The following ARMH4 variants were observed in gnomAD, a reference collection of about 807,000 sequenced individuals.
The protein encoded by ARMH4 is armadillo-like helical domain-containing protein 4.
A neutral mutation model predicts 61.9 loss-of-function variants in ARMH4; 49 were observed. The observed-to-expected ratio is 0.79, with a 90% CI of 0.63 to 1.00. ARMH4 has a LOEUF of 1.00. Among genes scored for constraint, ARMH4 ranks in the 50% least tolerant of loss-of-function variants. The pLI is 0.00. For synonymous variants in ARMH4, 368 were observed against 341.5 expected (o/e 1.08, Z -0.85); for missense variants, 934 against 930.0 (o/e 1.00, Z -0.06).
intron 4 of ARMH4, among the ~76,000 whole-genome samples, chr14:58,101,944 G>GGAGA (rs371737384): frequency 6.6e-6 from 1 of 151,352 alleles, no homozygotes. Context: ...GGTGAATGAA[G>GGAGA]GAGAGAGAGA....
intron 5 of ARMH4, among the ~76,000 whole-genome samples, chr14:58,028,894 GT>G (rs2141160515): frequency 6.6e-6 from 1 of 152,282 alleles, no homozygotes; most frequent in East Asian, 1.9e-4. Context: ...CTAACCAGGT[GT>G]TTTTGGTTTT....
At chr14:58,087,518 C>T (rs2141250814) in intron 5 of ARMH4, among the ~76,000 whole-genome samples, 1 of 152,246 alleles carries the variant, frequency 6.6e-6, no homozygotes, top group South Asian at 2.1e-4. Context: ...CTTAGAGCTG[C>T]TTCACGTTCA....
intron 5 of ARMH4, among the ~76,000 whole-genome samples, chr14:58,032,601 C>T (rs893144336): frequency 2.0e-5 from 3 of 152,164 alleles, no homozygotes; most frequent in Non-Finnish European, 2.9e-5. Context: ...GCGTGAGCGA[C>T]GCAGAAGACG....
intron 4 of ARMH4, among the ~76,000 whole-genome samples, chr14:58,110,082 A>G (rs987745363): frequency 1.3e-5 from 2 of 152,186 alleles, no homozygotes; most frequent in Admixed American, 6.5e-5. Context: ...ACCTCGACAC[A>G]TGGGGGATTA....
intron 5 of ARMH4, among the ~76,000 whole-genome samples, chr14:58,065,924 C>T (rs1376223407): frequency 6.6e-6 from 1 of 152,208 alleles, no homozygotes; most frequent in African/African-American, 2.4e-5. Flanking sequence ...ATCCCTCAGT[C>T]TTACAGCTGT....
intron 5 of ARMH4, among the ~76,000 whole-genome samples, chr14:58,043,687 A>G (rs1282208723): frequency 6.6e-6 from 1 of 152,226 alleles, no homozygotes; most frequent in Non-Finnish European, 1.5e-5. Context: ...AGTTGACATG[A>G]TTGTATATCT....
At chr14:58,141,503 G>A in intron 1 of ARMH4, 1 of 539,660 alleles carries the variant, frequency 1.9e-6, no homozygotes, top group East Asian at 4.9e-5. Context: ...CGCCTGCGAG[G>A]TGGCATTACT....
intron 4 of ARMH4, among the ~76,000 whole-genome samples, chr14:58,114,167 A>G (rs936067876): frequency 1.3e-5 from 2 of 152,124 alleles, no homozygotes; most frequent in African/African-American, 2.4e-5. Context: ...TCTATTGGAC[A>G]TGATTTTTTC....
chr14:58,111,833 C>T (rs1886364664), intron 4 of ARMH4, among the ~76,000 whole-genome samples: 1 of 152,074 alleles, frequency 6.6e-6, no homozygotes, highest in Non-Finnish European at 1.5e-5. Flanking sequence ...GCTAGGACTA[C>T]AGGTGCATGC....
chr14:58,085,040 T>C (rs1402045245), intron 5 of ARMH4, among the ~76,000 whole-genome samples: 1 of 152,240 alleles, frequency 6.6e-6, no homozygotes, highest in East Asian at 1.9e-4. Context: ...GCTCTGTTTC[T>C]GAATTGCAAA....
At chr14:58,049,570 C>T (rs1232536334) in intron 5 of ARMH4, among the ~76,000 whole-genome samples, 1 of 152,164 alleles carries the variant, frequency 6.6e-6, no homozygotes, top group African/African-American at 2.4e-5. Flanking sequence ...TGCAAACTTG[C>T]TGAAGGATGG....
At chr14:58,081,519 T>A (rs1456964180) in intron 5 of ARMH4, among the ~76,000 whole-genome samples, 1 of 151,756 alleles carries the variant, frequency 6.6e-6, no homozygotes, top group Non-Finnish European at 1.5e-5. Context: ...TTTTTTTTTT[T>A]AGACGGAATC....
intron 5 of ARMH4, among the ~76,000 whole-genome samples, chr14:58,026,484 C>T (rs917287035): frequency 2.6e-5 from 4 of 152,150 alleles, no homozygotes; most frequent in Admixed American, 1.3e-4. Context: ...TCTCTTCTCA[C>T]ATTTGCACTA....
At chr14:58,027,281 C>A (rs1262237390) in intron 5 of ARMH4, among the ~76,000 whole-genome samples, 2 of 152,204 alleles carry the variant, frequency 1.3e-5, no homozygotes, top group Admixed American at 1.3e-4. Flanking sequence ...CACTTAAAAT[C>A]TGCTAAAAGG....
intron 7 of ARMH4, 47 bp from the exon 8 acceptor site, chr14:58,004,851 C>T (rs373959654): frequency 1.9e-6 from 3 of 1,578,206 alleles, no homozygotes; most frequent in African/African-American, 2.7e-5. Context: ...TGCCACAGAG[C>T]AAAGCTGAGA....
intron 5 of ARMH4, among the ~76,000 whole-genome samples, chr14:58,093,410 T>C (rs562168763): frequency 5.9e-5 from 9 of 152,240 alleles, no homozygotes; most frequent in African/African-American, 2.2e-4. Flanking sequence ...CAGGCTGTCC[T>C]CAAACTCCTG....
intron 4 of ARMH4, among the ~76,000 whole-genome samples, chr14:58,102,540 G>A (rs1171789878): frequency 4.6e-5 from 7 of 152,080 alleles, no homozygotes; most frequent in East Asian, 1.9e-4. Flanking sequence ...GGCCGGGCGC[G>A]GTGGCTCACG....
chr14:58,107,911 C>T (rs1011317012), intron 4 of ARMH4, among the ~76,000 whole-genome samples: 1 of 152,112 alleles, frequency 6.6e-6, no homozygotes, highest in African/African-American at 2.4e-5. Context: ...TGACACATCC[C>T]GGTGGCATCT....
chr14:58,098,727 C>A (rs929359148), intron 4 of ARMH4, among the ~76,000 whole-genome samples: 1 of 150,760 alleles, frequency 6.6e-6, no homozygotes, highest in Non-Finnish European at 1.5e-5. Flanking sequence ...AGGCACAGGG[C>A]AAATACAGGA....
Sources: gnomAD v4.1 joint callset for allele counts (sites outside exome capture counted in the v4.1 genomes callset) on GRCh38, gnomAD v4.1.1 for gene constraint, MANE v1.5 for transcripts, NCBI Gene and HGNC (gene_info 2026-07-23, HGNC 2026-07-21) for gene names.